PSD3: variants seen among roughly 807,000 people sequenced by gnomAD.
PSD3 encodes the protein pleckstrin and Sec7 domain containing 3.
A neutral mutation model predicts 105.5 loss-of-function variants in PSD3; 49 were observed. The ratio of observed to expected loss-of-function variants is 0.46; its 90% CI spans 0.37 to 0.59. The LOEUF is 0.59. Among genes scored for constraint, PSD3 ranks in the 20% least tolerant of loss-of-function variants. PSD3 has a pLI of 0.00. For missense variants in PSD3, 1,561 were observed against 1,263.8 expected (o/e 1.24, Z -3.57); for synonymous variants, 557 against 457.8 (o/e 1.22, Z -2.77).
rs906966547 is a variant in PSD3 at position 18,854,280 on chromosome 8, T to C, written c.1634+13394A>G. On this transcript the variant is annotated intron_variant, in intron 4 of 15. Transcript: ENST00000327040. ...CAGTGACATTCTCCCAGAATGCCAC[T>C]GGATCCCTCAGGGGCTCAGGGATAC... 5 of 152,874 alleles carry C rather than the reference T, an allele frequency of 3.3e-5. No homozygotes were observed. The Admixed American group carries it at 3.3e-4, about 10-fold the overall frequency. The allele number at this position is 152,874 out of a possible 1,614,324, so 9.5% of individuals were successfully genotyped here.
At chr8:18,793,659 AGAAAACT>A (rs1169470986) in intron 8 of PSD3, among the ~76,000 whole-genome samples, 1 of 152,216 alleles carries the variant, frequency 6.6e-6, no homozygotes, top group Non-Finnish European at 1.5e-5. Flanking sequence ...AAGCTCAGAG[AGAAAACT>A]GAATGCCAAC....
intron 9 of PSD3, among the ~76,000 whole-genome samples, chr8:18,717,488 T>C (rs1387636054): frequency 1.3e-5 from 2 of 152,182 alleles, no homozygotes; most frequent in Non-Finnish European, 1.5e-5. Flanking sequence ...ACAATGTTAA[T>C]GTTGCAAGCT....
intron 8 of PSD3, chr8:18,799,080 T>G: frequency 4.0e-6 from 2 of 504,890 alleles, no homozygotes; most frequent in Non-Finnish European, 3.6e-6. Flanking sequence ...CTAAAACAAC[T>G]CCAGACACCA....
Position 18,638,435 on chromosome 8 carries a change from TAA to T in PSD3, c.2217-5631_2217-5630del, listed in dbSNP as rs1272899486. Among the ~76,000 whole-genome samples, 5 of 152,036 alleles carry T rather than the reference TAA, an allele frequency of 3.3e-5. No individual in the cohort carries two copies. The East Asian group carries it at 9.7e-4, about 29-fold the overall frequency. On this transcript the variant is annotated intron_variant, in intron 10 of 15. Transcript: ENST00000327040. ...CAACTGTTAGAACTGCTAAAGTCAG[TAA>T]AGTTTTAGATTAAAAAACCAACACA...
chr8:18,960,482 G>C (rs1823846410), intron 1 of PSD3, among the ~76,000 whole-genome samples: 1 of 152,070 alleles, frequency 6.6e-6, no homozygotes, highest in South Asian at 2.1e-4. Context: ...ATAGAAAGCT[G>C]TCCAACAAAA....
chr8:19,045,335 G>T (rs1196443768), intron 1 of PSD3, among the ~76,000 whole-genome samples: 3 of 152,188 alleles, frequency 2.0e-5, no homozygotes, highest in African/African-American at 4.8e-5. Context: ...GAAACCAAGA[G>T]ATTCACAAGA....
intron 4 of PSD3, among the ~76,000 whole-genome samples, chr8:18,828,141 C>T (rs552266143): frequency 1.4e-5 from 2 of 147,798 alleles, no homozygotes; most frequent in Non-Finnish European, 3.0e-5. Flanking sequence ...TTGCAGGCAG[C>T]AGAGCTACAA....
intron 1 of PSD3, among the ~76,000 whole-genome samples, chr8:19,031,874 G>A (rs1382052236): frequency 3.9e-5 from 6 of 152,200 alleles, no homozygotes; most frequent in Non-Finnish European, 8.8e-5. Context: ...GTTTACAGAT[G>A]AGAAAACCCT....
At chr8:18,674,783 A>T (rs77736221) in intron 9 of PSD3, among the ~76,000 whole-genome samples, 3,755 of 152,070 alleles carry the variant, frequency 0.025, 130 homozygotes, top group African/African-American at 0.084. Flanking sequence ...GAGGTGGGAG[A>T]AGCATCTGAG....
exon 1 of PSD3, chr8:19,084,435 C>T (rs1829743939): frequency 2.2e-6 from 1 of 456,056 alleles, no homozygotes; most frequent in Non-Finnish European, 4.4e-6. Context: ...CAAGGCATCC[C>T]TGCATCGGGG....
intron 9 of PSD3, among the ~76,000 whole-genome samples, chr8:18,660,992 G>A (rs570925466): frequency 2.6e-5 from 4 of 152,300 alleles, no homozygotes; most frequent in South Asian, 2.1e-4. Flanking sequence ...TCTCAGAGAC[G>A]ATAAAATGCA....
At chr8:19,083,261 T>C (rs575721638) in intron 1 of PSD3, among the ~76,000 whole-genome samples, 2 of 152,262 alleles carry the variant, frequency 1.3e-5, no homozygotes, top group East Asian at 3.9e-4. Context: ...GAAAGCTGAA[T>C]GCATAATTTT....
chr8:19,003,740 G>A (rs1438629158), intron 1 of PSD3, among the ~76,000 whole-genome samples: 1 of 151,676 alleles, frequency 6.6e-6, no homozygotes, highest in Non-Finnish European at 1.5e-5. Context: ...CTACCACACT[G>A]GCAGGGGGTG....
At chr8:19,041,932 C>A (rs1828138083) in intron 1 of PSD3, among the ~76,000 whole-genome samples, 1 of 151,946 alleles carries the variant, frequency 6.6e-6, no homozygotes, top group Non-Finnish European at 1.5e-5. Context: ...ACGAAAGACA[C>A]AATCAGAACT....
At chr8:18,543,371 T>G (rs1289558434) in intron 15 of PSD3, among the ~76,000 whole-genome samples, 1 of 152,106 alleles carries the variant, frequency 6.6e-6, no homozygotes, top group East Asian at 1.9e-4. Flanking sequence ...TCCCAGCACT[T>G]TGGGAGGCCG....
chr8:18,576,036 C>T (rs1010378102), intron 12 of PSD3, among the ~76,000 whole-genome samples: 5 of 152,110 alleles, frequency 3.3e-5, no homozygotes, highest in African/African-American at 9.7e-5. Context: ...AACACACACA[C>T]CACATCACCT....
At chr8:18,857,946 T>C (rs915180101) in intron 4 of PSD3, among the ~76,000 whole-genome samples, 18 of 152,130 alleles carry the variant, frequency 1.2e-4, no homozygotes, top group Admixed American at 9.8e-4. Flanking sequence ...GGTATGGGGA[T>C]TACAAAATGG....
chr8:18,675,096 T>C (rs1585582734), intron 9 of PSD3, among the ~76,000 whole-genome samples: 1 of 152,196 alleles, frequency 6.6e-6, no homozygotes, highest in Non-Finnish European at 1.5e-5. Context: ...AGTCAAGAGC[T>C]GCTTCTCTCA....
chr8:18,532,027 GA>G lies in PSD3; in HGVS notation c.*3715del, dbSNP rs1348201222. On this transcript the variant is annotated 3_prime_UTR_variant, in exon 16 of 16. Transcript: ENST00000327040. ...AATGCCAAAGGAACTCAATTTCAAG[GA>G]CAATTAATGAAACCCAAAAGGTTTT... 2.0e-5 allele frequency: 3 copies of G among 152,142 alleles called. No homozygotes were observed. Among genetic ancestry groups the G allele is most frequent in the Non-Finnish European group, 4.4e-5 (3 of 68,026 alleles). The allele number at this position is 152,142 out of a possible 1,614,324, so 9.4% of individuals were successfully genotyped here.
Sources: allele counts gnomAD v4.1 joint callset (sites outside exome capture counted in the v4.1 genomes callset), GRCh38; gene constraint gnomAD v4.1.1; transcripts MANE v1.5; gene names NCBI Gene and HGNC (gene_info 2026-07-23, HGNC 2026-07-21).